PTPRG: variants seen among roughly 807,000 people sequenced by gnomAD.
The protein encoded by PTPRG is receptor-type tyrosine-protein phosphatase gamma.
PTPRG carries 102 observed loss-of-function variants against 165.3 expected under a neutral mutation model. The observed-to-expected ratio is 0.62, with a 90% CI of 0.53 to 0.73. The LOEUF is 0.73. Ranked by LOEUF, PTPRG falls within the 30% of genes least tolerant of loss-of-function variation. The pLI is 0.00. For missense variants in PTPRG, 1,866 were observed against 1,861.4 expected (o/e 1.00, Z -0.05); for synonymous variants, 675 against 669.5 (o/e 1.01, Z -0.13).
At chr3:61,949,674 T>C (rs1054137346) in intron 2 of PTPRG, among the ~76,000 whole-genome samples, 2 of 151,890 alleles carry the variant, frequency 1.3e-5, no homozygotes, top group African/African-American at 4.8e-5. Flanking sequence ...AGACATTTTT[T>C]CCCCTTCCTA....
intron 2 of PTPRG, among the ~76,000 whole-genome samples, chr3:61,854,880 A>T (rs753886405): frequency 7.2e-5 from 11 of 152,192 alleles, no homozygotes; most frequent in Non-Finnish European, 1.2e-4. Context: ...AAAATTGCAT[A>T]TTACAATTTT....
intron 1 of PTPRG, among the ~76,000 whole-genome samples, chr3:61,738,054 G>T (rs1175316217): frequency 6.7e-6 from 1 of 149,958 alleles, no homozygotes; most frequent in Admixed American, 6.6e-5. Context: ...GACTACAGGC[G>T]CCCGCTACCG....
chr3:62,292,508 G>C lies in PTPRG; in HGVS notation c.4143G>C (p.Gln1381His). Residue 1381 changes from glutamine (Q) to histidine (H), a missense_variant, in exon 29 of 30, where the codon CAG becomes CAC. Transcript: ENST00000474889. ...ATGAAAATGCTGTGGATGTTTTCCA[G>C]GTTGCAAAAATGATCAATCTTATGA... ...LENENAVDVF[Q>H]VAKMINLMRP... is the part of the protein sequence containing the mutation. 6.2e-7 allele frequency: 1 copy of C among 1,613,496 alleles called. No homozygotes were observed. The highest frequency in any genetic ancestry group is 8.5e-7 in the Non-Finnish European group (1 of 1,179,656).
chr3:61,591,861 A>G (rs888739164), intron 1 of PTPRG, among the ~76,000 whole-genome samples: 1 of 152,180 alleles, frequency 6.6e-6, no homozygotes, highest in East Asian at 1.9e-4. Context: ...AAGTTACTCA[A>G]CCTATTCTGA....
intron 1 of PTPRG, among the ~76,000 whole-genome samples, chr3:61,745,717 T>C (rs2033172977): frequency 6.6e-6 from 1 of 152,164 alleles, no homozygotes; most frequent in Admixed American, 6.5e-5. Context: ...TTATACCACA[T>C]TGTGATGTAT....
At chr3:61,916,870 A>G (rs189094182) in intron 2 of PTPRG, among the ~76,000 whole-genome samples, 142 of 152,350 alleles carry the variant, frequency 9.3e-4, no homozygotes, top group African/African-American at 3.3e-3. Context: ...ATCACTCTTG[A>G]TAAAAATCCT....
intron 5 of PTPRG, among the ~76,000 whole-genome samples, chr3:62,080,406 T>C (rs1859404): frequency 0.33 from 50,237 of 151,856 alleles, 10,500 homozygotes; most frequent in African/African-American, 0.6. Flanking sequence ...GATTGGTTTG[T>C]GTTTGGTAGA....
intron 16 of PTPRG, among the ~76,000 whole-genome samples, chr3:62,257,039 G>C (rs926971971): frequency 6.6e-6 from 1 of 151,172 alleles, no homozygotes; most frequent in African/African-American, 2.5e-5. Context: ...GAAGGTGAAA[G>C]GGCTGTTGTG....
At chr3:61,907,724 C>T (rs954519704) in intron 2 of PTPRG, among the ~76,000 whole-genome samples, 4 of 152,134 alleles carry the variant, frequency 2.6e-5, no homozygotes, top group Non-Finnish European at 1.5e-5. Context: ...TATCTGAAAT[C>T]GGACTGTCAG....
intron 1 of PTPRG, among the ~76,000 whole-genome samples, chr3:61,619,827 G>C (rs1701399792): frequency 6.6e-6 from 1 of 152,170 alleles, no homozygotes; most frequent in Non-Finnish European, 1.5e-5. Context: ...TATGGGCTTT[G>C]GGGAAATGGA....
intron 2 of PTPRG, among the ~76,000 whole-genome samples, chr3:61,856,153 A>G (rs1345435537): frequency 1.3e-5 from 2 of 152,010 alleles, no homozygotes; most frequent in Admixed American, 1.3e-4. Context: ...TGTAAAATAC[A>G]CATAACATAA....
intron 21 of PTPRG, among the ~76,000 whole-genome samples, chr3:62,272,437 C>T (rs983719296): frequency 1.3e-5 from 2 of 152,124 alleles, no homozygotes; most frequent in South Asian, 2.1e-4. Flanking sequence ...TTTGAAAATG[C>T]ATTCTTGCCT....
chr3:61,783,056 T>C (rs143147696), intron 2 of PTPRG, among the ~76,000 whole-genome samples: 57 of 152,322 alleles, frequency 3.7e-4, no homozygotes, highest in African/African-American at 1.3e-3. Flanking sequence ...TCCTCCTGCC[T>C]CAGCCTCCTA....
chr3:62,011,504 T>C lies in PTPRG; in HGVS notation c.519+8007T>C, dbSNP rs144790242. Among the ~76,000 whole-genome samples, 1,150 of 152,308 alleles carry C rather than the reference T, an allele frequency of 7.6e-3. 18 individuals carry two copies. Among genetic ancestry groups the C allele is most frequent in the African/African-American group, 0.026 (1,067 of 41,544 alleles). ...CATCCCATGGTTATCTGGTGTTTGC[T>C]ATTCTGTGGTGTAGCCTAGTAGTGA... On this transcript the variant is annotated intron_variant, in intron 4 of 29. Coordinates refer to ENST00000474889, the MANE Select transcript of PTPRG (RefSeq NM_002841.4).
chr3:61,586,811 C>T (rs1336266336), intron 1 of PTPRG, among the ~76,000 whole-genome samples: 1 of 152,224 alleles, frequency 6.6e-6, no homozygotes, highest in Admixed American at 6.5e-5. Flanking sequence ...GCTAGAGCAT[C>T]ATCAGACAGA....
At chr3:61,978,253 T>A (rs1232530901) in intron 2 of PTPRG, among the ~76,000 whole-genome samples, 1 of 152,232 alleles carries the variant, frequency 6.6e-6, no homozygotes. Flanking sequence ...ATTTGTCTTT[T>A]GATGTTTTTT....
At chr3:61,683,912 G>A (rs562500202) in intron 1 of PTPRG, among the ~76,000 whole-genome samples, 180 of 152,290 alleles carry the variant, frequency 1.2e-3, no homozygotes, top group African/African-American at 4.1e-3. Context: ...TGTGATTATC[G>A]TCTTGGGGCT....
At chr3:62,077,665 A>G (rs1701433438) in intron 4 of PTPRG, among the ~76,000 whole-genome samples, 1 of 152,296 alleles carries the variant, frequency 6.6e-6, no homozygotes, top group Admixed American at 6.5e-5. Flanking sequence ...ATATTCTGAC[A>G]TATCTAGGGG....
chr3:61,645,256 C>A (rs1234842077), intron 1 of PTPRG, among the ~76,000 whole-genome samples: 1 of 152,202 alleles, frequency 6.6e-6, no homozygotes, highest in African/African-American at 2.4e-5. Flanking sequence ...AAAGCTCTCC[C>A]AGTTGGGTTG....
Sources: allele counts gnomAD v4.1 joint callset (sites outside exome capture counted in the v4.1 genomes callset), GRCh38; gene constraint gnomAD v4.1.1; transcripts MANE v1.5; gene names NCBI Gene and HGNC (gene_info 2026-07-23, HGNC 2026-07-21).